Variants in ERCC4 observed in about 807,000 individuals in gnomAD.
ERCC4 encodes the protein ERCC excision repair 4, endonuclease catalytic subunit.
In ERCC4, 65 loss-of-function variants were observed where a neutral mutation model predicts 76.9. The ratio of observed to expected loss-of-function variants is 0.84; its 90% CI spans 0.69 to 1.04. The LOEUF is 1.04. ERCC4 is among the 50% of genes least tolerant of loss of function. The pLI is 0.00. For missense variants in ERCC4, 1,214 were observed against 1,128.2 expected (o/e 1.08, Z -1.09); for synonymous variants, 463 against 410.1 (o/e 1.13, Z -1.56).
In ERCC4 at chr16:13,932,296, G is replaced by A. The variant is rs2032188606; in HGVS notation, c.1102+11G>A. Reference sequence around the variant, plus strand: ...TTAAAGAAGGGGAAGGTATCTTGTGGGGTTAAGTCTTTAAATGTGTTTTTT... The same window carrying A: ...TTAAAGAAGGGGAAGGTATCTTGTGAGGTTAAGTCTTTAAATGTGTTTTTT... On this transcript the variant is annotated intron_variant, in intron 6 of 10. Transcript: ENST00000311895. The A allele has an allele frequency of 6.2e-7, 1 of 1,606,022 alleles. No homozygotes were observed. The highest frequency in any genetic ancestry group is 1.3e-5 in the African/African-American group (1 of 74,664).
chr16:13,929,928 C>T (rs1757045500), intron 4 of ERCC4, among the ~76,000 whole-genome samples: 1 of 152,174 alleles, frequency 6.6e-6, no homozygotes, highest in Non-Finnish European at 1.5e-5. Context: ...TGTGCCACTG[C>T]ACTCGAGCCT....
At chr16:13,921,077 C>T (rs894322869) in intron 1 of ERCC4, among the ~76,000 whole-genome samples, 14 of 151,820 alleles carry the variant, frequency 9.2e-5, no homozygotes, top group African/African-American at 3.1e-4. Flanking sequence ...TTTCTGGGGG[C>T]AGAAGGAAGG....
Position 13,950,505 on chromosome 16 carries a change from T to C in ERCC4, c.*2158T>C, listed in dbSNP as rs1001630286. The C allele has an allele frequency of 2.1e-5, 4 of 192,928 alleles. No individual in the cohort carries two copies. Among genetic ancestry groups the C allele is most frequent in the Admixed American group, 6.1e-5 (1 of 16,358 alleles). The allele number at this position is 192,928 out of a possible 1,614,324, so 12.0% of individuals were successfully genotyped here. A position where few individuals can be genotyped will look rare whatever the true frequency, so the allele number is the denominator to read the frequency against. On this transcript the variant is annotated 3_prime_UTR_variant, in exon 11 of 11. Transcript: ENST00000311895. ...ATAAAGATTTGGGCTGCTAATTTTT[T>C]CCCAGGATTCAAAATATACCCGCTA...
intron 2 of ERCC4, 61 bp from the exon 3 acceptor site, chr16:13,926,500 T>G: frequency 7.1e-7 from 1 of 1,416,966 alleles, no homozygotes; most frequent in South Asian, 1.2e-5. Flanking sequence ...AAGAAAAATG[T>G]GATGAATGAA....
rs1215008244 is a variant in ERCC4, at chr16:13,949,188, A to G, written c.*841A>G. 3.0e-5 allele frequency: 7 copies of G among 233,168 alleles called. No homozygotes were observed. Among genetic ancestry groups the G allele is most frequent in the Admixed American group, 2.8e-4 (5 of 17,786 alleles). The allele number at this position is 233,168 out of a possible 1,614,324, so 14.4% of individuals were successfully genotyped here. ...AAAAGTTAATGATGAAGGAGCTCTT[A>G]GAATTCTCAATTTTTGCACATATTC... On this transcript the variant is annotated 3_prime_UTR_variant, in exon 11 of 11. Transcript: ENST00000311895.
At position 13,950,917 on chromosome 16, in the gene ERCC4, T is replaced by C. The variant is rs987955073; in HGVS notation, c.*2570T>C. On this transcript the variant is annotated 3_prime_UTR_variant, in exon 11 of 11. Transcript: ENST00000311895. ...GTCTTAAAAATTGCACTAATACCAG[T>C]GCCCCCCTGGCTCTCCAAATCTGTT... 5.5e-6 allele frequency: 1 copy of C among 181,754 alleles called. No individual in the cohort carries two copies. The highest frequency in any genetic ancestry group is 2.5e-5 in the African/African-American group (1 of 40,458). The allele number at this position is 181,754 out of a possible 1,614,324, so 11.3% of individuals were successfully genotyped here. A position where few individuals can be genotyped will look rare whatever the true frequency, so the allele number is the denominator to read the frequency against.
At chr16:13,924,618 C>G (rs1318147492) in intron 2 of ERCC4, among the ~76,000 whole-genome samples, 3 of 152,184 alleles carry the variant, frequency 2.0e-5, no homozygotes, top group Non-Finnish European at 2.9e-5. Context: ...CTTCATCTTG[C>G]ACCAGCTGTG....
chr16:13,922,640 C>T, intron 2 of ERCC4: 2 of 538,822 alleles, frequency 3.7e-6, no homozygotes, highest in South Asian at 1.9e-5. Context: ...TGGCCGCAGC[C>T]CTTTTTGGCA....
At chr16:13,934,749 G>A in intron 7 of ERCC4, 1 of 238,040 alleles carries the variant, frequency 4.2e-6, no homozygotes, top group Non-Finnish European at 8.3e-6. Context: ...TAATGAGCCG[G>A]TACAAACTGA....
Position 13,947,804 on chromosome 16 carries a change from A to G in ERCC4, c.2208A>G (p.Leu736=), listed in dbSNP as rs761878121. Residue 736 remains leucine (L), a synonymous_variant, in exon 11 of 11, where the codon TTA becomes TTG. Transcript: ENST00000311895. ...GTATCAGTGATTTAATCGGCTCTTT[A>G]AATAACGGCCGCCTCTACAGCCAGT... is the stretch of plus-strand genomic sequence containing the variant. ...RKSISDLIGS[L]NNGRLYSQCI... 10 of 1,614,090 alleles carry G rather than the reference A, an allele frequency of 6.2e-6. No homozygotes were observed. The highest frequency in any genetic ancestry group is 8.5e-6 in the Non-Finnish European group (10 of 1,180,050).
intron 1 of ERCC4, 66 bp downstream of exon 1, chr16:13,920,438 G>C (rs1404310762): frequency 7.2e-7 from 1 of 1,390,106 alleles, no homozygotes; most frequent in African/African-American, 1.4e-5. Context: ...GAGCGGATGC[G>C]AGGCCTCTGA....
At position 13,940,459 on chromosome 16, in the gene ERCC4, C is replaced by T. The variant is rs3136185; in HGVS notation, c.1904+2601C>T. On this transcript the variant is annotated intron_variant, in intron 9 of 10. Coordinates refer to ENST00000311895, the MANE Select transcript of ERCC4 (RefSeq NM_005236.3). ...ACATGGGGCAAAGTCCAGGTAAAAC[C>T]AGGCCTAAGCTTCCAGGTGTCCTCT... Among the ~76,000 whole-genome samples, 143 of 152,260 alleles carry T rather than the reference C, an allele frequency of 9.4e-4. 1 individual carries two copies. The highest frequency in any genetic ancestry group is 3.3e-3 in the African/African-American group (137 of 41,562).
In ERCC4 at chr16:13,947,670, C is replaced by G; in HGVS notation, c.2074C>G (p.Arg692Gly). Residue 692 changes from arginine (R) to glycine (G), a missense_variant, in exon 11 of 11, where the codon CGA becomes GGA. By Grantham distance (125) the Arg-to-Gly change is moderately radical. Transcript: ENST00000311895. ...CATAGTTGTGGATATGCGTGAATTTCGAAGTGAGCTTCCATCTCTGATCCA... is the reference window on the plus strand; with the variant it reads ...CATAGTTGTGGATATGCGTGAATTTGGAAGTGAGCTTCCATCTCTGATCCA... ...QSIVVDMREFRSELPSLIHRR... is the reference protein window; with the variant it reads ...QSIVVDMREFGSELPSLIHRR... 1 of 1,614,174 alleles carries G rather than the reference C, an allele frequency of 6.2e-7. No individual in the cohort carries two copies. Among genetic ancestry groups the G allele is most frequent in the East Asian group, 2.2e-5 (1 of 44,886 alleles).
At position 13,944,728 on chromosome 16, in the gene ERCC4, A is replaced by G; in HGVS notation, c.1910A>G (p.Lys637Arg). 6.2e-7 allele frequency: 1 copy of G among 1,611,400 alleles called. No homozygotes were observed. The highest frequency in any genetic ancestry group is 8.5e-7 in the Non-Finnish European group (1 of 1,177,486). ...GACAATGTTTTCTCCCACAGGGAAAAAGCAAGCATGGTTGTCCCTGAAGAA... is the reference window on the plus strand; with the variant it reads ...GACAATGTTTTCTCCCACAGGGAAAGAGCAAGCATGGTTGTCCCTGAAGAA... Reference protein sequence around the residue: ...KEAFEKLIREKASMVVPEERE... With the variant: ...KEAFEKLIRERASMVVPEERE... The change falls in exon 10 of 11, where the codon AAA becomes AGA. Residue 637 changes from lysine to arginine, a missense_variant. Transcript: ENST00000311895.
rs1011749568 is a variant in ERCC4 at position 13,948,541 on chromosome 16, C to T, written c.*194C>T. On this transcript the variant is annotated 3_prime_UTR_variant, in exon 11 of 11. Coordinates refer to ENST00000311895, the MANE Select transcript of ERCC4 (RefSeq NM_005236.3). ...CATCACTTGAACTTGCCTGTGCCTG[C>T]TCTTTTTCCTCCCTGCACCGTCTAT... 9 of 636,032 alleles carry T rather than the reference C, an allele frequency of 1.4e-5. No individual in the cohort carries two copies. Among genetic ancestry groups the T allele is most frequent in the Non-Finnish European group, 2.2e-5 (8 of 366,154 alleles). The allele number at this position is 636,032 out of a possible 1,614,324, so 39.4% of individuals were successfully genotyped here. A position where few individuals can be genotyped will look rare whatever the true frequency, so the allele number is the denominator to read the frequency against.
intron 3 of ERCC4, 71 bp from the exon 4 acceptor site, chr16:13,927,957 G>T: frequency 8.8e-7 from 1 of 1,131,208 alleles, no homozygotes; most frequent in Non-Finnish European, 1.3e-6. Context: ...AAAATGGGGT[G>T]TTAAACCAAG....
At chr16:13,923,827 T>G (rs1367404164) in intron 2 of ERCC4, among the ~76,000 whole-genome samples, 1 of 152,254 alleles carries the variant, frequency 6.6e-6, no homozygotes, top group Non-Finnish European at 1.5e-5. Flanking sequence ...TGCTTTCTTA[T>G]AAGCTTGGTT....
At chr16:13,921,336 A>G (rs1215303620) in intron 1 of ERCC4, among the ~76,000 whole-genome samples, 1 of 152,180 alleles carries the variant, frequency 6.6e-6, no homozygotes, top group Non-Finnish European at 1.5e-5. Flanking sequence ...GAATGGGGCT[A>G]CACATGGGTC....
At position 13,935,202 on chromosome 16, in the gene ERCC4, A is replaced by G. The variant is rs2032259060; in HGVS notation, c.1270A>G (p.Ile424Val). 6.2e-7 allele frequency: 1 copy of G among 1,614,136 alleles called. No homozygotes were observed. Among genetic ancestry groups the G allele is most frequent in the African/African-American group, 1.3e-5 (1 of 75,054 alleles). Residue 424 changes from isoleucine (I) to valine (V), a missense_variant, in exon 8 of 11, where the codon ATC (isoleucine) becomes GTC (valine). Coordinates refer to ENST00000311895, the MANE Select transcript of ERCC4 (RefSeq NM_005236.3). ...DRTCSQLRDY[I>V]TLGAEAFLLR... is the part of the protein sequence containing the mutation. ...AACATGTTCCCAGCTGAGAGACTATATCACTCTTGGAGCGGAGGCCTTCTT... is the reference window on the plus strand; with the variant it reads ...AACATGTTCCCAGCTGAGAGACTATGTCACTCTTGGAGCGGAGGCCTTCTT...
Sources: allele counts gnomAD v4.1 joint callset (sites outside exome capture counted in the v4.1 genomes callset), GRCh38; gene constraint gnomAD v4.1.1; transcripts MANE v1.5; gene names NCBI Gene and HGNC (gene_info 2026-07-23, HGNC 2026-07-21).